The following ARAP2 variants were observed in gnomAD, a reference collection of about 807,000 sequenced individuals.
ARAP2 encodes arf-GAP with Rho-GAP domain, ANK repeat and PH domain-containing protein 2.
Under a neutral mutation model 194.5 loss-of-function variants are expected in ARAP2, and 148 were observed. The observed-to-expected ratio is 0.76, with a 90% CI of 0.67 to 0.87. The LOEUF (loss-of-function observed/expected upper bound fraction) is 0.87, where lower values mean the gene tolerates loss of function less well. Ranked by LOEUF, ARAP2 falls within the 40% of genes least tolerant of loss-of-function variation. The pLI is 0.00. For synonymous variants in ARAP2, 695 were observed against 683.5 expected (o/e 1.02, Z -0.26); for missense variants, 2,128 against 1,989.7 (o/e 1.07, Z -1.32).
rs750130213 is a variant in ARAP2 at position 36,114,152 on chromosome 4, A to T, written c.4156+18T>A. 3 of 1,473,926 alleles carry T rather than the reference A, an allele frequency of 2.0e-6. No homozygotes were observed. Among genetic ancestry groups the T allele is most frequent in the African/African-American group, 1.4e-5 (1 of 71,144 alleles). 91.3% of individuals were successfully genotyped at this position (1,473,926 alleles called of 1,614,324 possible). A position where few individuals can be genotyped will look rare whatever the true frequency, so the allele number is the denominator to read the frequency against. On this transcript the variant is annotated intron_variant, in intron 26 of 32. Coordinates refer to ENST00000303965, the MANE Select transcript of ARAP2 (RefSeq NM_015230.4). ...CAGTATAAGTAATTTAAGAATCCCT[A>T]GCATAAAAATCACTTACCTAGCTCT...
chr4:36,176,516 A>G (rs1737955127), intron 9 of ARAP2, among the ~76,000 whole-genome samples: 1 of 152,170 alleles, frequency 6.6e-6, no homozygotes, highest in South Asian at 2.1e-4. Flanking sequence ...TCTTGCTATC[A>G]GGTCTATGCA....
At chr4:36,164,784 TA>T in intron 11 of ARAP2, 129 bp downstream of exon 11, 1 of 876,970 alleles carries the variant, frequency 1.1e-6, no homozygotes, top group Non-Finnish European at 1.7e-6. Flanking sequence ...GAATTTGATT[TA>T]AATGTAATAA....
intron 15 of ARAP2, among the ~76,000 whole-genome samples, chr4:36,152,263 G>A (rs1731168855): frequency 6.6e-6 from 1 of 152,150 alleles, no homozygotes; most frequent in Non-Finnish European, 1.5e-5. Context: ...GCAATTCCTG[G>A]TCAAAGGTGA....
At chr4:36,140,999 G>A (rs1034181689) in intron 19 of ARAP2, among the ~76,000 whole-genome samples, 12 of 151,724 alleles carry the variant, frequency 7.9e-5, no homozygotes, top group African/African-American at 2.9e-4. Flanking sequence ...AAGTGTCTAT[G>A]GCAATGGGCA....
chr4:36,179,592 A>C (rs1738764181), intron 8 of ARAP2, among the ~76,000 whole-genome samples: 1 of 152,232 alleles, frequency 6.6e-6, no homozygotes, highest in Non-Finnish European at 1.5e-5. Context: ...TTGGGCTACC[A>C]GAACATATGG....
chr4:36,144,823 C>T (rs1729239726), intron 19 of ARAP2, among the ~76,000 whole-genome samples: 1 of 151,812 alleles, frequency 6.6e-6, no homozygotes, highest in Non-Finnish European at 1.5e-5. Flanking sequence ...TTGCCTCTGC[C>T]ACCCCTGAGA....
chr4:36,101,219 C>T (rs1470797857), intron 27 of ARAP2, among the ~76,000 whole-genome samples: 4 of 151,854 alleles, frequency 2.6e-5, no homozygotes, highest in East Asian at 1.9e-4. Flanking sequence ...AGGGGGGAGA[C>T]GTGGTAGTGT....
At chr4:36,231,152 C>G (rs1751372324) in intron 1 of ARAP2, among the ~76,000 whole-genome samples, 1 of 152,060 alleles carries the variant, frequency 6.6e-6, no homozygotes, top group Non-Finnish European at 1.5e-5. Context: ...TCCTGGCCAA[C>G]ATGGTGAAAC....
At chr4:36,204,720 G>A in intron 6 of ARAP2, among the ~76,000 whole-genome samples, 1 of 152,142 alleles carries the variant, frequency 6.6e-6, no homozygotes, top group Non-Finnish European at 1.5e-5. Flanking sequence ...GCCGGGCACG[G>A]TCGTTTATGC....
chr4:36,099,832 T>G (rs1386671862), intron 27 of ARAP2, among the ~76,000 whole-genome samples: 1 of 152,082 alleles, frequency 6.6e-6, no homozygotes, highest in Non-Finnish European at 1.5e-5. Flanking sequence ...GTATATAAAT[T>G]GCTCAGAATA....
downstream of ARAP2, among the ~76,000 whole-genome samples, chr4:36,062,436 G>GGACAC (rs1724596800): frequency 6.6e-6 from 1 of 151,976 alleles, no homozygotes; most frequent in Non-Finnish European, 1.5e-5. Flanking sequence ...GTGTCCTTTA[G>GGACAC]TGAAGGACAG....
At chr4:36,183,839 C>T (rs553771735) in intron 8 of ARAP2, among the ~76,000 whole-genome samples, 1 of 152,260 alleles carries the variant, frequency 6.6e-6, no homozygotes, top group South Asian at 2.1e-4. Context: ...ATAATCCTGT[C>T]TTAGTAACAC....
At chr4:36,149,152 A>G (rs1053113774) in intron 16 of ARAP2, among the ~76,000 whole-genome samples, 19 of 152,072 alleles carry the variant, frequency 1.2e-4, no homozygotes, top group Admixed American at 9.2e-4. Context: ...AAATCTCAAA[A>G]TACCCTATGC....
At chr4:36,129,844 T>TAC (rs61090034) in intron 20 of ARAP2, among the ~76,000 whole-genome samples, 45,553 of 150,650 alleles carry the variant, frequency 0.3, 8,000 homozygotes, top group East Asian at 0.47. Flanking sequence ...ACATGCAACA[T>TAC]ACACACACAC....
Position 36,208,646 on chromosome 4 carries a change from T to C in ARAP2, c.1487+1744A>G, listed in dbSNP as rs374905209. Among the ~76,000 whole-genome samples, 47 of 152,304 alleles carry C rather than the reference T, an allele frequency of 3.1e-4. 1 individual carries two copies. Among genetic ancestry groups the C allele is most frequent in the Admixed American group, 9.1e-4 (14 of 15,304 alleles). On this transcript the variant is annotated intron_variant, in intron 6 of 32. Transcript: ENST00000303965. ...CCTCACAATAGCCTACAGAGCCTAATTAGGAAAGGAAAAATTCTCGATTCT... is the reference window on the plus strand; with the variant it reads ...CCTCACAATAGCCTACAGAGCCTAACTAGGAAAGGAAAAATTCTCGATTCT...
At chr4:36,086,400 A>G (rs1711844047) in intron 28 of ARAP2, among the ~76,000 whole-genome samples, 1 of 152,128 alleles carries the variant, frequency 6.6e-6, no homozygotes, top group Non-Finnish European at 1.5e-5. Context: ...TTTATACCAC[A>G]GCATGTCCAA....
chr4:36,223,500 TTAAA>T (rs1349068441), intron 2 of ARAP2, among the ~76,000 whole-genome samples: 1 of 152,280 alleles, frequency 6.6e-6, no homozygotes, highest in South Asian at 2.1e-4. Flanking sequence ...ATTCTATTAC[TTAAA>T]TAGAGAATTA....
chr4:36,206,204 A>G (rs1745496655), intron 6 of ARAP2, among the ~76,000 whole-genome samples: 1 of 152,228 alleles, frequency 6.6e-6, no homozygotes. Context: ...TGACAAAGGC[A>G]CAAACAGCAT....
At chr4:36,184,910 C>G (rs974111668) in intron 8 of ARAP2, among the ~76,000 whole-genome samples, 1 of 152,208 alleles carries the variant, frequency 6.6e-6, no homozygotes, top group Non-Finnish European at 1.5e-5. Flanking sequence ...AAATGGAACT[C>G]TCATATCAAG....
Sources: allele counts gnomAD v4.1 joint callset (sites outside exome capture counted in the v4.1 genomes callset), GRCh38; gene constraint gnomAD v4.1.1; transcripts MANE v1.5; gene names NCBI Gene and HGNC (gene_info 2026-07-23, HGNC 2026-07-21).